The following NEGR1 variants were observed in gnomAD, a reference collection of about 807,000 sequenced individuals.
NEGR1 encodes the protein neuronal growth regulator 1, also known as IgLON family member 4.
In NEGR1, 10 loss-of-function variants were observed where a neutral mutation model predicts 40.9. The ratio of observed to expected loss-of-function variants is 0.24; its 90% CI spans 0.15 to 0.42. The LOEUF is 0.42. NEGR1 is among the 10% of genes least tolerant of loss of function. The pLI is 1.00. For missense variants in NEGR1, 352 were observed against 438.9 expected, an observed-to-expected ratio of 0.80 and a Z score of 1.77; for synonymous variants, 185 against 166.8, an observed-to-expected ratio of 1.11 and a Z score of -0.84.
intron 2 of NEGR1, among the ~76,000 whole-genome samples, chr1:71,791,037 C>T (rs1657096174): frequency 6.6e-6 from 1 of 151,862 alleles, no homozygotes; most frequent in African/African-American, 2.4e-5. Context: ...TGAACAAGCC[C>T]ATTAGAGGAG....
intron 2 of NEGR1, among the ~76,000 whole-genome samples, chr1:71,832,765 T>G (rs1570408276): frequency 6.6e-6 from 1 of 152,022 alleles, no homozygotes; most frequent in African/African-American, 2.4e-5. Context: ...AATGGCCTCT[T>G]CTGAAACTCA....
At chr1:72,216,432 C>T (rs12062480) in intron 1 of NEGR1, among the ~76,000 whole-genome samples, 1 of 137,616 alleles carries the variant, frequency 7.3e-6, no homozygotes, top group Non-Finnish European at 1.5e-5. Flanking sequence ...TCTATATACA[C>T]ACATATATAT....
intron 1 of NEGR1, among the ~76,000 whole-genome samples, chr1:72,263,528 T>A (rs1655532959): frequency 6.6e-6 from 1 of 151,748 alleles, no homozygotes; most frequent in Non-Finnish European, 1.5e-5. Flanking sequence ...GCAAGTTGGA[T>A]GTTTTAGTTC....
chr1:71,907,223 C>G (rs1180854245), intron 2 of NEGR1, among the ~76,000 whole-genome samples: 1 of 152,082 alleles, frequency 6.6e-6, no homozygotes. Flanking sequence ...TAGGTCTAGC[C>G]TCTGTTTCTA....
chr1:71,508,696 A>C (rs564520196), intron 6 of NEGR1, among the ~76,000 whole-genome samples: 2 of 152,314 alleles, frequency 1.3e-5, no homozygotes, highest in African/African-American at 2.4e-5. Flanking sequence ...AGCTGAGATA[A>C]TGTATGGTGG....
intron 1 of NEGR1, among the ~76,000 whole-genome samples, chr1:72,054,402 T>G (rs997035355): frequency 6.6e-6 from 1 of 151,328 alleles, no homozygotes; most frequent in Non-Finnish European, 1.5e-5. Context: ...AGTGTTAGAC[T>G]GTAGATTCTT....
chr1:71,789,682 A>G (rs1355311687), intron 2 of NEGR1, among the ~76,000 whole-genome samples: 1 of 152,060 alleles, frequency 6.6e-6, no homozygotes, highest in African/African-American at 2.4e-5. Context: ...TTCTGTTTTT[A>G]AAAACTTAAA....
Position 72,030,743 on chromosome 1 carries a change from G to C in NEGR1, c.177-95432C>G, listed in dbSNP as rs1314587440. ...TAAAGCAAATGTAGTTACAGTCATTGAAATTTTCAAGTCATTAGGATTAAT... is the reference window on the plus strand; with the variant it reads ...TAAAGCAAATGTAGTTACAGTCATTCAAATTTTCAAGTCATTAGGATTAAT... On this transcript the variant is annotated intron_variant, in intron 1 of 6. Coordinates refer to ENST00000357731, the MANE Select transcript of NEGR1 (RefSeq NM_173808.3). Among the ~76,000 whole-genome samples, 3 of 152,094 alleles carry C rather than the reference G, an allele frequency of 2.0e-5. No homozygotes were observed. In the East Asian group the frequency reaches 5.8e-4, roughly 29 times the overall value.
intron 1 of NEGR1, among the ~76,000 whole-genome samples, chr1:72,101,646 G>T (rs1379767658): frequency 6.6e-6 from 1 of 151,738 alleles, no homozygotes; most frequent in Non-Finnish European, 1.5e-5. Flanking sequence ...ATGGCCAAAA[G>T]AGTAAGAGAT....
chr1:71,752,864 T>G (rs1317429857), intron 3 of NEGR1, among the ~76,000 whole-genome samples: 1 of 152,160 alleles, frequency 6.6e-6, no homozygotes, highest in Non-Finnish European at 1.5e-5. Context: ...CTCTCTATAT[T>G]GGAAATTCCT....
intron 2 of NEGR1, among the ~76,000 whole-genome samples, chr1:71,856,772 A>G (rs1049357072): frequency 3.3e-5 from 5 of 152,220 alleles, no homozygotes; most frequent in East Asian, 1.9e-4. Flanking sequence ...CAGCTGCTCT[A>G]TGAAACATTC....
intron 1 of NEGR1, among the ~76,000 whole-genome samples, chr1:72,169,386 T>A (rs2100391226): frequency 6.6e-6 from 1 of 152,270 alleles, no homozygotes; most frequent in Admixed American, 6.5e-5. Flanking sequence ...AATAAACAAT[T>A]TATTACACTA....
At chr1:71,482,379 C>T (rs922048581) in intron 6 of NEGR1, among the ~76,000 whole-genome samples, 1 of 151,676 alleles carries the variant, frequency 6.6e-6, no homozygotes, top group African/African-American at 2.4e-5. Context: ...TCTTTCTAAA[C>T]AAAGTAGAAC....
intron 2 of NEGR1, among the ~76,000 whole-genome samples, chr1:71,844,256 G>A (rs1659331179): frequency 6.6e-6 from 1 of 152,136 alleles, no homozygotes; most frequent in African/African-American, 2.4e-5. Flanking sequence ...ATGGGGAAAA[G>A]AGCAGAATGC....
At chr1:71,793,003 G>A (rs1335201812) in intron 2 of NEGR1, among the ~76,000 whole-genome samples, 2 of 151,464 alleles carry the variant, frequency 1.3e-5, no homozygotes, top group Non-Finnish European at 2.9e-5. Context: ...AATGGAATGT[G>A]AGGAGAAGTG....
At chr1:71,985,346 C>T (rs1646385496) in intron 1 of NEGR1, among the ~76,000 whole-genome samples, 1 of 152,172 alleles carries the variant, frequency 6.6e-6, no homozygotes, top group Admixed American at 6.5e-5. Context: ...GTCAGGAAAA[C>T]ATTTCCCTGT....
intron 2 of NEGR1, among the ~76,000 whole-genome samples, chr1:71,915,561 AT>A (rs1176447399): frequency 1.3e-5 from 2 of 152,072 alleles, no homozygotes; most frequent in Admixed American, 1.3e-4. Context: ...TCATTTCTTA[AT>A]TTTGAAGGAA....
intron 6 of NEGR1, among the ~76,000 whole-genome samples, chr1:71,440,040 T>A (rs17091221): frequency 6.6e-6 from 1 of 152,142 alleles, no homozygotes; most frequent in African/African-American, 2.4e-5. Context: ...ATTTGTATTC[T>A]ATGGCTTACG....
At chr1:71,800,231 C>T (rs1657505079) in intron 2 of NEGR1, among the ~76,000 whole-genome samples, 1 of 152,066 alleles carries the variant, frequency 6.6e-6, no homozygotes, top group Admixed American at 6.6e-5. Flanking sequence ...AAGTTCTCTG[C>T]AGATTCTGGA....
Sources: gnomAD v4.1 joint callset for allele counts (sites outside exome capture counted in the v4.1 genomes callset) on GRCh38, gnomAD v4.1.1 for gene constraint, MANE v1.5 for transcripts, NCBI Gene and HGNC (gene_info 2026-07-23, HGNC 2026-07-21) for gene names.